The following MARCHF1 variants were observed in gnomAD, a reference collection of about 807,000 sequenced individuals.
MARCHF1 encodes the protein membrane associated ring-CH-type finger 1, also known as E3 ubiquitin-protein ligase MARCHF1.
MARCHF1 carries 40 observed loss-of-function variants against 54.2 expected under a neutral mutation model. That is an observed-to-expected ratio of 0.74 (90% confidence interval 0.57 to 0.96). The LOEUF (loss-of-function observed/expected upper bound fraction) is 0.96, where lower values mean the gene tolerates loss of function less well. MARCHF1 is among the 40% of genes least tolerant of loss of function. The pLI, the probability that MARCHF1 is intolerant of heterozygous loss-of-function variation, is 0.00. For synonymous variants in MARCHF1, 236 were observed against 236.3 expected, an observed-to-expected ratio of 1.00 and a Z score of 0.01; for missense variants, 586 against 656.5, an observed-to-expected ratio of 0.89 and a Z score of 1.17.
chr4:163,879,321 C>T (rs1750363414), intron 3 of MARCHF1, among the ~76,000 whole-genome samples: 1 of 152,064 alleles, frequency 6.6e-6, no homozygotes, highest in African/African-American at 2.4e-5. Flanking sequence ...GTATAGCTGT[C>T]CCTAGTAATA....
intron 3 of MARCHF1, among the ~76,000 whole-genome samples, chr4:163,966,931 G>T (rs1752454072): frequency 6.6e-6 from 1 of 152,042 alleles, no homozygotes; most frequent in African/African-American, 2.4e-5. Context: ...GATTCTATAA[G>T]ATGAAAAATA....
At chr4:163,984,714 G>T (rs1252786516) in intron 3 of MARCHF1, among the ~76,000 whole-genome samples, 1 of 152,178 alleles carries the variant, frequency 6.6e-6, no homozygotes, top group African/African-American at 2.4e-5. Context: ...CACTGCCCTT[G>T]TAAGAGACAG....
intron 1 of MARCHF1, among the ~76,000 whole-genome samples, chr4:164,249,556 T>C (rs1733063447): frequency 6.6e-6 from 1 of 151,962 alleles, no homozygotes; most frequent in South Asian, 2.1e-4. Context: ...GTAAATTGAA[T>C]TTTATTTTGT....
intron 7 of MARCHF1, among the ~76,000 whole-genome samples, chr4:163,607,086 G>GGA (rs1239679517): frequency 2.0e-5 from 3 of 152,024 alleles, no homozygotes; most frequent in African/African-American, 4.8e-5. Flanking sequence ...TCACAGAGAA[G>GGA]GAGAGAGAGA....
intron 4 of MARCHF1, among the ~76,000 whole-genome samples, chr4:163,744,424 G>GTAGA (rs1437720218): frequency 1.3e-5 from 2 of 152,134 alleles, no homozygotes; most frequent in Non-Finnish European, 2.9e-5. Flanking sequence ...CCTTGTCTAG[G>GTAGA]TATCTGAGTC....
At chr4:164,380,734 G>A (rs138955353) in intron 1 of MARCHF1, among the ~76,000 whole-genome samples, 1,577 of 152,144 alleles carry the variant, frequency 0.01, 12 homozygotes, top group Middle Eastern at 0.017. Flanking sequence ...CACTATAACC[G>A]TTGACTTTCA....
intron 5 of MARCHF1, among the ~76,000 whole-genome samples, chr4:163,627,288 T>C (rs1228278480): frequency 1.3e-5 from 2 of 152,210 alleles, no homozygotes; most frequent in African/African-American, 4.8e-5. Context: ...CATCCTAGTA[T>C]TTTATTGAAG....
intron 1 of MARCHF1, among the ~76,000 whole-genome samples, chr4:164,294,298 C>T (rs1374313737): frequency 1.3e-5 from 2 of 152,102 alleles, no homozygotes; most frequent in African/African-American, 2.4e-5. Flanking sequence ...TGAGTCAATA[C>T]CCCTTAATAA....
At chr4:163,832,455 T>C (rs1001077986) in intron 4 of MARCHF1, among the ~76,000 whole-genome samples, 1 of 152,154 alleles carries the variant, frequency 6.6e-6, no homozygotes, top group Non-Finnish European at 1.5e-5. Flanking sequence ...GACAGTGACA[T>C]GACAAATTAA....
intron 2 of MARCHF1, among the ~76,000 whole-genome samples, chr4:164,036,110 AAAAAAAC>A (rs1193627895): frequency 1.6e-3 from 213 of 136,890 alleles, no homozygotes; most frequent in African/African-American, 5.5e-3. Flanking sequence ...CTCAAAAAAA[AAAAAAAC>A]AAAAAACAAA....
chr4:164,005,482 T>A (rs1447902436), intron 2 of MARCHF1, among the ~76,000 whole-genome samples: 2 of 152,040 alleles, frequency 1.3e-5, no homozygotes, highest in Non-Finnish European at 2.9e-5. Flanking sequence ...ACATTCACAA[T>A]GTCCCTCCCT....
At chr4:164,267,244 T>C (rs919113502) in intron 1 of MARCHF1, among the ~76,000 whole-genome samples, 5 of 152,208 alleles carry the variant, frequency 3.3e-5, no homozygotes, top group African/African-American at 9.6e-5. Context: ...TGATGATCTC[T>C]ACCTCTTGGT....
At chr4:163,559,603 T>G (rs926022801) in intron 8 of MARCHF1, among the ~76,000 whole-genome samples, 2 of 152,218 alleles carry the variant, frequency 1.3e-5, no homozygotes, top group African/African-American at 4.8e-5. Context: ...GAGCCACCAC[T>G]GGATTTGAGT....
At chr4:163,892,678 T>C (rs1046494472) in intron 3 of MARCHF1, among the ~76,000 whole-genome samples, 1 of 151,728 alleles carries the variant, frequency 6.6e-6, no homozygotes, top group Admixed American at 6.6e-5. Flanking sequence ...TTTAAAGAGT[T>C]ATCAATTTAT....
At chr4:163,668,530 A>G (rs1743619528) in intron 5 of MARCHF1, among the ~76,000 whole-genome samples, 2 of 152,294 alleles carry the variant, frequency 1.3e-5, no homozygotes, top group South Asian at 4.1e-4. Context: ...AAGTTAGAGT[A>G]TATAACAAGT....
At chr4:164,128,794 C>A (rs1263728253) in intron 1 of MARCHF1, among the ~76,000 whole-genome samples, 1 of 152,140 alleles carries the variant, frequency 6.6e-6, no homozygotes, top group South Asian at 2.1e-4. Context: ...ATCTGCTTCT[C>A]CCTGTGGTCT....
intron 5 of MARCHF1, among the ~76,000 whole-genome samples, chr4:163,623,811 C>T (rs980179769): frequency 1.4e-4 from 22 of 152,156 alleles, no homozygotes; most frequent in African/African-American, 4.1e-4. Context: ...TTTATAATCC[C>T]GGGGTGACTT....
intron 4 of MARCHF1, among the ~76,000 whole-genome samples, chr4:163,825,706 A>AT (rs1748831011): frequency 6.6e-6 from 1 of 151,928 alleles, no homozygotes; most frequent in South Asian, 2.1e-4. Flanking sequence ...GACGTTAAGC[A>AT]TTTTTTAATA....
intron 2 of MARCHF1, among the ~76,000 whole-genome samples, chr4:164,029,900 T>A (rs1255288368): frequency 6.6e-6 from 1 of 152,188 alleles, no homozygotes; most frequent in East Asian, 1.9e-4. Flanking sequence ...CGGCCCAGGA[T>A]TTTAGCCTTT....
Sources: gnomAD v4.1 joint callset for allele counts (sites outside exome capture counted in the v4.1 genomes callset) on GRCh38, gnomAD v4.1.1 for gene constraint, MANE v1.5 for transcripts, NCBI Gene and HGNC (gene_info 2026-07-23, HGNC 2026-07-21) for gene names.